SLC26A6: variants seen among roughly 807,000 people sequenced by gnomAD.
SLC26A6 encodes anion exchange transporter.
In SLC26A6, 67 loss-of-function variants were observed where a neutral mutation model predicts 87.1. The observed-to-expected ratio is 0.77, with a 90% CI of 0.63 to 0.94. The LOEUF (loss-of-function observed/expected upper bound fraction) is 0.94. Ranked by LOEUF, SLC26A6 falls within the 40% of genes least tolerant of loss-of-function variation. The probability of loss-of-function intolerance (pLI) is 0.00; values close to 1 mark genes in which losing one functional copy is unlikely to be tolerated. For synonymous variants in SLC26A6, 414 were observed against 405.9 expected (o/e 1.02, Z -0.24); for missense variants, 902 against 973.0 (o/e 0.93, Z 0.97).
chr3:48,629,891 C>T lies in SLC26A6; in HGVS notation c.1510G>A (p.Val504Met), dbSNP rs373135262. ...VVAVIFSLLLVVVRTQMPHYS... is the reference protein window; with the variant it reads ...VVAVIFSLLLMVVRTQMPHYS... ...ACTCACATCTGTGTCCGGACCACCA[C>T]GAGCAGCAGGGAGAAGATGACCGCA... The change falls in exon 13 of 21, where the codon GTG (valine) becomes ATG (methionine). Residue 504 changes from valine (V) to methionine (M), a missense_variant. Around this residue, in one of 3 missense-constraint regions of SLC26A6, gnomAD observed 800 missense variants for 856.8 expected, o/e 0.93. Transcript: ENST00000395550. 214 of 1,614,116 alleles carry T rather than the reference C, an allele frequency of 1.3e-4. No homozygotes were observed. The highest frequency in any genetic ancestry group is 1.7e-4 in the Non-Finnish European group (195 of 1,180,040).
intron 17 of SLC26A6, chr3:48,627,471 A>G (rs1559464512): frequency 1.1e-5 from 2 of 182,768 alleles, no homozygotes; most frequent in East Asian, 1.6e-4. Context: ...TGACCCCTCA[A>G]TTTTTTTTTT....
In SLC26A6 at chr3:48,629,633, G is replaced by T; in HGVS notation, c.1599+9C>A. On this transcript the variant is annotated intron_variant, in intron 14 of 20. Transcript: ENST00000395550. ...ATCCACACCATCTCACTCAGCCCCT[G>T]ACACTCACCTCTGAGTACTCTGCCA... 1 of 1,607,360 alleles carries T rather than the reference G, an allele frequency of 6.2e-7. No homozygotes were observed. Among genetic ancestry groups the T allele is most frequent in the South Asian group, 1.1e-5 (1 of 89,848 alleles).
At chr3:48,634,199 G>A (rs2046890249) in intron 1 of SLC26A6, 1 of 157,864 alleles carries the variant, frequency 6.3e-6, no homozygotes, top group African/African-American at 2.4e-5. Context: ...AGACGGCTCA[G>A]GCCTGTTATG....
Position 48,628,764 on chromosome 3 carries a change from G to C in SLC26A6, c.1600-50C>G. The C allele has an allele frequency of 1.3e-6, 2 of 1,582,904 alleles. No homozygotes were observed. The highest frequency in any genetic ancestry group is 1.7e-6 in the Non-Finnish European group (2 of 1,162,154). On this transcript the variant is annotated intron_variant, in intron 14 of 20. Coordinates refer to ENST00000395550, the MANE Select transcript of SLC26A6 (RefSeq NM_022911.3). The surrounding 1 kb of genome is among the most constrained non-coding windows in gnomAD (Gnocchi z 4.4). The stretch of plus-strand genomic sequence containing the variant: ...TGGCTGAATCTCCTCTCTCCTGGCT[G>C]CATCCTGTTCTCCTGCCTTTCCTTC...
Position 48,631,288 on chromosome 3 carries a change from T to C in SLC26A6, c.922A>G (p.Ile308Val), listed in dbSNP as rs756955912. 1 of 1,602,326 alleles carries C rather than the reference T, an allele frequency of 6.2e-7. No individual in the cohort carries two copies. Among genetic ancestry groups the C allele is most frequent in the African/African-American group, 1.3e-5 (1 of 74,846 alleles). ...TGCTTTAGACCCATGCCATAGGAGA[T>C]GCCTGTGGCCCCGATGAGCTGTGGG... ...ELLTLIGATG[I>V]SYGMGLKHRF... The change falls in exon 8 of 21, where the codon ATC (isoleucine) becomes GTC (valine). Residue 308 changes from isoleucine to valine, a missense_variant. Around this residue, in one of 3 missense-constraint regions of SLC26A6, gnomAD observed 800 missense variants for 856.8 expected, o/e 0.93. Coordinates refer to ENST00000395550, the MANE Select transcript of SLC26A6 (RefSeq NM_022911.3).
At chr3:48,630,253 G>T in intron 11 of SLC26A6, 96 bp from the exon 12 acceptor site, 5 of 1,434,020 alleles carry the variant, frequency 3.5e-6, no homozygotes, top group Non-Finnish European at 3.9e-6. Flanking sequence ...CAAGCACTCA[G>T]GCAGTACCCC....
At chr3:48,631,627 C>T in intron 7 of SLC26A6, 22 bp downstream of exon 7, 1 of 1,609,140 alleles carries the variant, frequency 6.2e-7, no homozygotes, top group South Asian at 1.1e-5. Context: ...CTCCCCTGCC[C>T]TCCACTCCCT....
Position 48,629,976 on chromosome 3 carries a change from A to C in SLC26A6, c.1425T>G (p.Leu475=). The C allele has an allele frequency of 8.1e-6, 13 of 1,614,048 alleles. No individual in the cohort carries two copies. The highest frequency in any genetic ancestry group is 1.1e-5 in the Non-Finnish European group (13 of 1,179,976). Residue 475 remains leucine, a splice_region_variant and synonymous_variant, in exon 13 of 21, where the codon CTT becomes CTG. Transcript: ENST00000395550. ...SLWKANRADL[L]IWLVTFTATI... ...TGGCCGTGAAGGTCACCAGCCAGAT[A>C]AGCTGAGAACAGAGGGCAGCGGTTG...
At position 48,633,233 on chromosome 3, in the gene SLC26A6, G is replaced by A. The variant is rs370767283; in HGVS notation, c.322+18C>T. On this transcript the variant is annotated intron_variant, in intron 3 of 20. Transcript: ENST00000395550. ...CAGACCACAGGGTTTCCAGGCCGAC[G>A]CACTGAAGGTGGCTCACCCTGCGGA... 45 of 1,609,970 alleles carry A rather than the reference G, an allele frequency of 2.8e-5. No homozygotes were observed. The highest frequency in any genetic ancestry group is 3.4e-5 in the Non-Finnish European group (40 of 1,178,538).
At chr3:48,627,091 A>G (rs769304832) in intron 17 of SLC26A6, 36 bp from the exon 18 acceptor site, 11 of 1,600,100 alleles carry the variant, frequency 6.9e-6, no homozygotes, top group Non-Finnish European at 9.4e-6. Flanking sequence ...GCCACCCATG[A>G]GAGAGTGAAG....
chr3:48,632,541 G>T, intron 4 of SLC26A6, 145 bp from the exon 5 acceptor site: 2 of 1,227,336 alleles, frequency 1.6e-6, no homozygotes, highest in Non-Finnish European at 2.3e-6. Context: ...CAGTGCTGGC[G>T]GTTCAGGTTT....
In SLC26A6 at chr3:48,635,311, A is replaced by G. The variant is rs1419729977; in HGVS notation, c.23+60T>C. On this transcript the variant is annotated intron_variant, in intron 1 of 20. Coordinates refer to ENST00000395550, the MANE Select transcript of SLC26A6 (RefSeq NM_022911.3). ...TGCTCCAGCGAGGCGTCGCAAGCGGAGAATGCCTGCTCCAGCGAGGCGCTC... is the reference window on the plus strand; with the variant it reads ...TGCTCCAGCGAGGCGTCGCAAGCGGGGAATGCCTGCTCCAGCGAGGCGCTC... 6 of 1,435,796 alleles carry G rather than the reference A, an allele frequency of 4.2e-6. No homozygotes were observed. In the African/African-American group the frequency reaches 1.0e-4, roughly 24 times the overall value. The allele number at this position is 1,435,796 out of a possible 1,614,324, so 88.9% of individuals were successfully genotyped here.
Position 48,630,067 on chromosome 3 carries a change from C to T in SLC26A6, c.1417G>A (p.Asp473Asn), listed in dbSNP as rs776043653. The T allele has an allele frequency of 6.2e-7, 1 of 1,612,652 alleles. No homozygotes were observed. The highest frequency in any genetic ancestry group is 1.1e-5 in the South Asian group (1 of 91,076). ...TGGGCTCCCAGTGCACTCACCAGAT[C>T]CGCCCGATTGGCCTTCCAGAGGGAG... ...MRSLWKANRADLLIWLVTFTA... is the reference protein window; with the variant it reads ...MRSLWKANRANLLIWLVTFTA... The change falls in exon 12 of 21, where the codon GAT (aspartate) becomes AAT (asparagine). Residue 473 changes from aspartate to asparagine, a missense_variant. Physicochemically the swap from Asp to Asn is conservative, Grantham distance 23. This residue lies in a region of SLC26A6 where 800 missense variants were observed against 856.8 expected (regional missense o/e 0.93). Transcript: ENST00000395550.
Position 48,632,048 on chromosome 3 carries a change from T to G in SLC26A6, c.586-4A>C. 6.2e-7 allele frequency: 1 copy of G among 1,612,736 alleles called. No individual in the cohort carries two copies. The highest frequency in any genetic ancestry group is 8.5e-7 in the Non-Finnish European group (1 of 1,179,726). ...AGTGGATCAGGCCCAGCCCCACCTG[T>G]GGGGCGGCCAGGGGCAGTCAGGAGA... On this transcript the variant is annotated splice_region_variant and splice_polypyrimidine_tract_variant and intron_variant, in intron 5 of 20. Coordinates refer to ENST00000395550, the MANE Select transcript of SLC26A6 (RefSeq NM_022911.3).
At position 48,627,953 on chromosome 3, in the gene SLC26A6, T is replaced by C; in HGVS notation, c.1886A>G (p.Lys629Arg). 1 of 1,588,146 alleles carries C rather than the reference T, an allele frequency of 6.3e-7. No individual in the cohort carries two copies. Among genetic ancestry groups the C allele is most frequent in the Non-Finnish European group, 8.5e-7 (1 of 1,171,892 alleles). The change falls in exon 17 of 21, where the codon AAG (lysine) becomes AGG (arginine). Residue 629 changes from lysine to arginine, a missense_variant. Physicochemically the swap from Lys to Arg is conservative, Grantham distance 26. This residue lies in a region of SLC26A6 where 800 missense variants were observed against 856.8 expected (regional missense o/e 0.93). Transcript: ENST00000395550. ...DMRSNNVEDC[K>R]MMQVSSGDKM... ...TCCCACCTCCAGTCTCACCATCATC[T>C]TGCAGTCCTCAACGTTGTTGCTCCT...
At position 48,625,862 on chromosome 3, in the gene SLC26A6, T is replaced by C; in HGVS notation, c.*124A>G. 1 of 1,287,952 alleles carries C rather than the reference T, an allele frequency of 7.8e-7. No individual in the cohort carries two copies. Among genetic ancestry groups the C allele is most frequent in the South Asian group, 1.3e-5 (1 of 76,964 alleles). The allele number at this position is 1,287,952 out of a possible 1,614,324, so 79.8% of individuals were successfully genotyped here. ...CTTGGAGTCCCAGGACCTCCTTCCC[T>C]GAGTTGTGTGTGTGTACATGGAGGG... On this transcript the variant is annotated 3_prime_UTR_variant, in exon 21 of 21. Coordinates refer to ENST00000395550, the MANE Select transcript of SLC26A6 (RefSeq NM_022911.3). This position sits in a 1 kb window ranked among gnomAD's most constrained non-coding sequence, Gnocchi z 4.7.
At position 48,630,669 on chromosome 3, in the gene SLC26A6, A is replaced by C; in HGVS notation, c.1186T>G (p.Phe396Val). The C allele has an allele frequency of 6.2e-7, 1 of 1,602,668 alleles. No individual in the cohort carries two copies. The highest frequency in any genetic ancestry group is 8.5e-7 in the Non-Finnish European group (1 of 1,173,908). ...CGAGACATAGAGCAACTCACGGGGA[A>C]GCACTGGAAGATGCCTCCGATAAGG... ...SNLIGGIFQC[F>V]PVSCSMSRSL... Residue 396 changes from phenylalanine (F) to valine (V), a missense_variant, in exon 10 of 21, where the codon TTC (phenylalanine) becomes GTC (valine). Physicochemically the swap from Phe to Val is conservative, Grantham distance 50. This residue lies in a region of SLC26A6 where 800 missense variants were observed against 856.8 expected (regional missense o/e 0.93). Transcript: ENST00000395550.
rs769096573 is a variant in SLC26A6, at chr3:48,633,638, G to C, written c.24-3C>G. On this transcript the variant is annotated splice_polypyrimidine_tract_variant and splice_region_variant and intron_variant, in intron 1 of 20. Coordinates refer to ENST00000395550, the MANE Select transcript of SLC26A6 (RefSeq NM_022911.3). ...GCAGTGCCTGTGTGTCCCTCGGTCTGGGGTGGCAAGACCAGAGAGACACAG... is the reference window on the plus strand; with the variant it reads ...GCAGTGCCTGTGTGTCCCTCGGTCTCGGGTGGCAAGACCAGAGAGACACAG... 1.1e-5 allele frequency: 17 copies of C among 1,612,988 alleles called. No homozygotes were observed. In the African/African-American group the frequency reaches 2.3e-4, roughly 22 times the overall value.
intron 4 of SLC26A6, chr3:48,632,724 G>C (rs1372086858): frequency 1.5e-6 from 1 of 680,000 alleles, no homozygotes; most frequent in African/African-American, 1.8e-5. Flanking sequence ...CCTCTGCCAA[G>C]TTCCAGGCCC....
Sources: allele counts gnomAD v4.1 joint callset, GRCh38; gene constraint gnomAD v4.1.1; regional missense constraint gnomAD v4.1.1; non-coding constraint Gnocchi (gnomAD v3.1); transcripts MANE v1.5; gene names NCBI Gene and HGNC (gene_info 2026-07-23, HGNC 2026-07-21).